ADRA1B: variants seen among roughly 807,000 people sequenced by gnomAD.
The protein encoded by ADRA1B is alpha-1B adrenergic receptor.
In ADRA1B, 17 loss-of-function variants were observed where a neutral mutation model predicts 17.9. That is an observed-to-expected ratio of 0.95 (90% CI 0.65 to 1.42). The LOEUF is 1.42. Among genes scored for constraint, ADRA1B ranks in the 40% most tolerant of loss-of-function variants. ADRA1B has a pLI of 0.00. For synonymous variants in ADRA1B, 366 were observed against 327.6 expected, an observed-to-expected ratio of 1.12 and a Z score of -1.27; for missense variants, 681 against 722.1, an observed-to-expected ratio of 0.94 and a Z score of 0.65.
chr5:159,939,278 AGTGTGTGTGTGTGTGTGTGTGTGT>A (rs70987981), intron 1 of ADRA1B, among the ~76,000 whole-genome samples: 3 of 98,310 alleles, frequency 3.1e-5, no homozygotes, highest in African/African-American at 7.7e-5. Context: ...AGAGAGAGAG[AGTGTGTGTGTGTGTGTGTGTGTGT>A]GTGTGTGTGT....
intron 1 of ADRA1B, among the ~76,000 whole-genome samples, chr5:159,938,211 T>G (rs971904566): frequency 6.6e-6 from 1 of 152,212 alleles, no homozygotes; most frequent in African/African-American, 2.4e-5. Context: ...CTATCAAAAC[T>G]CCATCCAGAA....
the ADRA1B span, among the ~76,000 whole-genome samples, chr5:159,987,147 T>C: frequency 6.6e-6 from 1 of 152,258 alleles, no homozygotes; most frequent in South Asian, 2.1e-4. Context: ...ACGAGCCCGG[T>C]TCCAGAAACC....
intron 1 of ADRA1B, among the ~76,000 whole-genome samples, chr5:159,970,955 C>T (rs1755853958): frequency 6.6e-6 from 1 of 152,168 alleles, no homozygotes; most frequent in Non-Finnish European, 1.5e-5. Flanking sequence ...CAGGCACGCA[C>T]CAACACGCCT....
chr5:159,885,206 T>TA (rs1753910463), intron 1 of ADRA1B, among the ~76,000 whole-genome samples: 1 of 152,136 alleles, frequency 6.6e-6, no homozygotes, highest in Non-Finnish European at 1.5e-5. Context: ...AGAATAACAG[T>TA]AATAATAAAA....
intron 1 of ADRA1B, among the ~76,000 whole-genome samples, chr5:159,967,986 C>A (rs1349206310): frequency 6.6e-6 from 1 of 152,130 alleles, no homozygotes; most frequent in African/African-American, 2.4e-5. Context: ...AAAATTTATG[C>A]CCCCTTCCTA....
the ADRA1B span, among the ~76,000 whole-genome samples, chr5:159,981,990 A>G: frequency 0.042 from 6,368 of 152,260 alleles, 178 homozygotes; most frequent in East Asian, 0.14. Context: ...GACCTGTGGG[A>G]CTTCCAAAGT....
At chr5:159,947,757 G>A (rs1280674552) in intron 1 of ADRA1B, 5 of 985,278 alleles carry the variant, frequency 5.1e-6, no homozygotes, top group South Asian at 4.7e-5. Flanking sequence ...AAATGAATGA[G>A]CACAATTTAA....
chr5:159,923,976 A>G (rs983886302), intron 1 of ADRA1B, among the ~76,000 whole-genome samples: 2 of 152,272 alleles, frequency 1.3e-5, no homozygotes, highest in African/African-American at 4.8e-5. Flanking sequence ...ACCTTGCCCA[A>G]GATCACACAG....
At chr5:159,951,061 G>A in intron 1 of ADRA1B, 1 of 715,060 alleles carries the variant, frequency 1.4e-6, no homozygotes, top group Non-Finnish European at 2.6e-6. Context: ...AGGCATAGCT[G>A]ACGATATTGA....
At chr5:159,920,118 A>C (rs573296970) in intron 1 of ADRA1B, among the ~76,000 whole-genome samples, 49 of 152,332 alleles carry the variant, frequency 3.2e-4, no homozygotes, top group African/African-American at 1.1e-3. Flanking sequence ...AGTCAGAAGG[A>C]TACCAGGAAT....
chr5:159,944,246 G>T (rs775564013), intron 1 of ADRA1B, among the ~76,000 whole-genome samples: 12 of 152,118 alleles, frequency 7.9e-5, no homozygotes, highest in Admixed American at 7.2e-4. Context: ...GTGGAGAGCC[G>T]TGGCTATCAG....
chr5:159,876,948 C>T (rs1439230859), intron 1 of ADRA1B, among the ~76,000 whole-genome samples: 1 of 152,212 alleles, frequency 6.6e-6, no homozygotes, highest in Non-Finnish European at 1.5e-5. Flanking sequence ...AGCAGGTTCC[C>T]ATCCCTACCA....
At chr5:159,923,327 G>A (rs1269200599) in intron 1 of ADRA1B, among the ~76,000 whole-genome samples, 3 of 152,264 alleles carry the variant, frequency 2.0e-5, no homozygotes, top group Non-Finnish European at 4.4e-5. Context: ...GCCACTGTGT[G>A]GAGCATACAC....
At chr5:159,909,336 C>T (rs561818287) in intron 1 of ADRA1B, among the ~76,000 whole-genome samples, 4 of 152,274 alleles carry the variant, frequency 2.6e-5, no homozygotes, top group African/African-American at 4.8e-5. Context: ...TGCCTTGCTC[C>T]CCTGGGGCCT....
chr5:159,973,851 G>A (rs1755930037), downstream of ADRA1B, among the ~76,000 whole-genome samples: 1 of 152,194 alleles, frequency 6.6e-6, no homozygotes, highest in African/African-American at 2.4e-5. Flanking sequence ...GCCTCTGAAA[G>A]CCCCTAGTTT....
chr5:159,887,630 GCAT>G (rs951392962), intron 1 of ADRA1B, among the ~76,000 whole-genome samples: 51 of 152,292 alleles, frequency 3.3e-4, no homozygotes, highest in African/African-American at 1.2e-3. Context: ...CAATGCATCG[GCAT>G]CATATTTGGT....
At chr5:159,977,517 C>T (rs1289834678), downstream of ADRA1B, among the ~76,000 whole-genome samples, 1 of 152,162 alleles carries the variant, frequency 6.6e-6, no homozygotes, top group African/African-American at 2.4e-5. Context: ...AAGGAGGTTG[C>T]CCCCCAAGAT....
intron 1 of ADRA1B, among the ~76,000 whole-genome samples, chr5:159,932,933 A>G (rs1264297658): frequency 6.6e-6 from 1 of 152,252 alleles, no homozygotes; most frequent in Non-Finnish European, 1.5e-5. Context: ...TTGTTACTAC[A>G]AAACAATATT....
intron 1 of ADRA1B, among the ~76,000 whole-genome samples, chr5:159,957,641 G>A (rs1373592842): frequency 6.6e-6 from 1 of 151,678 alleles, no homozygotes; most frequent in Non-Finnish European, 1.5e-5. Context: ...AGAGCTTTGT[G>A]TGTTAGAAAT....
Sources: gnomAD v4.1 joint callset for allele counts (sites outside exome capture counted in the v4.1 genomes callset) on GRCh38, gnomAD v4.1.1 for gene constraint, MANE v1.5 for transcripts, NCBI Gene and HGNC (gene_info 2026-07-23, HGNC 2026-07-21) for gene names.